Variants in PCLO observed in about 807,000 individuals in gnomAD.
PCLO encodes protein piccolo.
A neutral mutation model predicts 427.5 loss-of-function variants in PCLO; 82 were observed. The observed-to-expected ratio is 0.19, with a 90% confidence interval of 0.16 to 0.23. The LOEUF is 0.23. PCLO is among the 10% of genes least tolerant of loss of function. The probability of loss-of-function intolerance (pLI) is 1.00; values close to 1 mark genes in which losing one functional copy is unlikely to be tolerated. For synonymous variants in PCLO, 2,357 were observed against 2,155.4 expected (o/e 1.09, Z -2.59); for missense variants, 6,239 against 6,115.9 (o/e 1.02, Z -0.67).
intron 3 of PCLO, among the ~76,000 whole-genome samples, chr7:83,063,903 A>T (rs1789600363): frequency 6.6e-6 from 1 of 152,074 alleles, no homozygotes; most frequent in African/African-American, 2.4e-5. Context: ...GCACTGATAA[A>T]TATCCTCTTA....
chr7:82,849,298 G>C (rs1175032616), intron 10 of PCLO, among the ~76,000 whole-genome samples: 1 of 152,002 alleles, frequency 6.6e-6, no homozygotes, highest in Non-Finnish European at 1.5e-5. Flanking sequence ...AAATTATACA[G>C]ATAACTAGGG....
chr7:82,957,698 G>A (rs1007788328), intron 4 of PCLO, among the ~76,000 whole-genome samples: 4 of 152,182 alleles, frequency 2.6e-5, no homozygotes, highest in African/African-American at 7.2e-5. Flanking sequence ...CTATAGAGTT[G>A]TTAATCACAT....
At chr7:83,025,473 T>G (rs1788468662) in intron 3 of PCLO, among the ~76,000 whole-genome samples, 1 of 151,626 alleles carries the variant, frequency 6.6e-6, no homozygotes, top group African/African-American at 2.4e-5. Flanking sequence ...CAAATCTACA[T>G]CTGATTGGTG....
chr7:83,131,349 G>A (rs542502445), intron 3 of PCLO, among the ~76,000 whole-genome samples: 1 of 152,272 alleles, frequency 6.6e-6, no homozygotes. Flanking sequence ...GGTACAGTGG[G>A]AGGTGTTATG....
intron 3 of PCLO, among the ~76,000 whole-genome samples, chr7:83,014,343 A>G (rs1788156482): frequency 6.6e-6 from 1 of 152,158 alleles, no homozygotes; most frequent in Non-Finnish European, 1.5e-5. Flanking sequence ...ATTTACAAGA[A>G]TTATTAATTA....
chr7:83,124,966 G>GCTGGTCTCCAGCCGTTGGCCGA (rs1791392734), intron 3 of PCLO, among the ~76,000 whole-genome samples: 14 of 152,106 alleles, frequency 9.2e-5, no homozygotes, highest in Non-Finnish European at 1.9e-4. Flanking sequence ...GTGTTGGCCG[G>GCTGGTCTCCAGCCGTTGGCCGA]GCTGGTCTCC....
At chr7:83,133,794 C>T (rs1183575914) in intron 3 of PCLO, among the ~76,000 whole-genome samples, 1 of 151,876 alleles carries the variant, frequency 6.6e-6, no homozygotes, top group African/African-American at 2.4e-5. Flanking sequence ...GCATATTCAA[C>T]CAAACAAACT....
chr7:82,877,416 T>C (rs1230557179), intron 10 of PCLO, among the ~76,000 whole-genome samples: 1 of 152,194 alleles, frequency 6.6e-6, no homozygotes, highest in African/African-American at 2.4e-5. Flanking sequence ...TAGGGTATAC[T>C]GTGGAAAGTG....
intron 8 of PCLO, among the ~76,000 whole-genome samples, chr7:82,907,756 C>T (rs890420423): frequency 2.2e-4 from 33 of 151,720 alleles, no homozygotes; most frequent in African/African-American, 7.7e-4. Context: ...TAAAAAGATT[C>T]TAGAAAATAT....
chr7:82,938,789 ATGT>A (rs1417593104), intron 6 of PCLO, among the ~76,000 whole-genome samples: 1 of 151,988 alleles, frequency 6.6e-6, no homozygotes, highest in African/African-American at 2.4e-5. Flanking sequence ...TGGCTACCTA[ATGT>A]TGTTTCCTTT....
intron 10 of PCLO, among the ~76,000 whole-genome samples, chr7:82,871,950 A>T (rs1793248648): frequency 6.6e-6 from 1 of 152,002 alleles, no homozygotes; most frequent in Admixed American, 6.6e-5. Context: ...TGGACCACAG[A>T]TACATTAAAA....
At chr7:82,833,417 G>A (rs370767158) in intron 16 of PCLO, among the ~76,000 whole-genome samples, 2 of 152,022 alleles carry the variant, frequency 1.3e-5, no homozygotes, top group Non-Finnish European at 2.9e-5. Flanking sequence ...TTGAGTTCAC[G>A]CACGACCCAG....
At chr7:82,963,837 T>G (rs189074875) in intron 4 of PCLO, among the ~76,000 whole-genome samples, 1 of 152,138 alleles carries the variant, frequency 6.6e-6, no homozygotes, top group Non-Finnish European at 1.5e-5. Context: ...ATTAGTAAAA[T>G]AGTGCATACA....
At chr7:82,883,087 A>T (rs529619701) in intron 9 of PCLO, among the ~76,000 whole-genome samples, 191 of 152,280 alleles carry the variant, frequency 1.3e-3, no homozygotes, top group African/African-American at 4.3e-3. Flanking sequence ...GTATTAATGA[A>T]CATACTGTAT....
At chr7:82,787,857 AT>A (rs1791016320) in intron 22 of PCLO, among the ~76,000 whole-genome samples, 1 of 152,204 alleles carries the variant, frequency 6.6e-6, no homozygotes, top group South Asian at 2.1e-4. Context: ...TAGCCAAGTC[AT>A]CATTAATTAA....
intron 10 of PCLO, among the ~76,000 whole-genome samples, chr7:82,868,816 A>G (rs1337829803): frequency 1.3e-5 from 2 of 152,210 alleles, no homozygotes; most frequent in Non-Finnish European, 2.9e-5. Flanking sequence ...TTAGCTCCAA[A>G]GAGTTTTACA....
At chr7:82,802,369 T>C (rs2129468706) in intron 21 of PCLO, among the ~76,000 whole-genome samples, 1 of 152,302 alleles carries the variant, frequency 6.6e-6, no homozygotes, top group Middle Eastern at 3.4e-3. Flanking sequence ...GTAGTAGCCT[T>C]AGAATTCAAC....
chr7:82,893,441 G>C lies in PCLO; in HGVS notation c.13528+9210C>G, dbSNP rs937319448. On this transcript the variant is annotated intron_variant, in intron 9 of 24. Coordinates refer to ENST00000333891, the MANE Select transcript of PCLO (RefSeq NM_033026.6). ...CCTGTTGTGGGGTCAGGGAAGGGGG[G>C]AGGGATAGCATTAGGAGATACACCT... Among the ~76,000 whole-genome samples, 5 of 152,114 alleles carry C rather than the reference G, an allele frequency of 3.3e-5. No individual in the cohort carries two copies. In the Middle Eastern group the frequency reaches 0.01, roughly 310 times the overall value.
chr7:82,885,046 A>G (rs964462745), intron 9 of PCLO, among the ~76,000 whole-genome samples: 9 of 152,294 alleles, frequency 5.9e-5, no homozygotes, highest in African/African-American at 1.4e-4. Flanking sequence ...ATGATTTCCA[A>G]TGAGCCACTT....
Sources: gnomAD v4.1 joint callset for allele counts (sites outside exome capture counted in the v4.1 genomes callset) on GRCh38, gnomAD v4.1.1 for gene constraint, MANE v1.5 for transcripts, NCBI Gene and HGNC (gene_info 2026-07-23, HGNC 2026-07-21) for gene names.